Variants in SERPINI1 observed in about 807,000 individuals in gnomAD.
SERPINI1 encodes neuroserpin.
Under a neutral mutation model 41.1 loss-of-function variants are expected in SERPINI1, and 19 were observed. The ratio of observed to expected loss-of-function variants is 0.46; its 90% CI spans 0.32 to 0.68. The LOEUF (loss-of-function observed/expected upper bound fraction) is 0.68. SERPINI1 is among the 30% of genes least tolerant of loss of function. The probability of loss-of-function intolerance (pLI) is 0.03; values close to 1 mark genes in which losing one functional copy is unlikely to be tolerated. For missense variants in SERPINI1, 460 were observed against 479.2 expected (o/e 0.96, Z 0.37); for synonymous variants, 138 against 156.6 (o/e 0.88, Z 0.89).
At chr3:167,822,214 G>T (rs1037113364) in intron 6 of SERPINI1, among the ~76,000 whole-genome samples, 6 of 152,124 alleles carry the variant, frequency 3.9e-5, no homozygotes, top group Non-Finnish European at 8.8e-5. Context: ...AGTCATATTG[G>T]ATTAGGACCC....
chr3:167,750,849 T>C (rs10513635), intron 1 of SERPINI1, among the ~76,000 whole-genome samples: 5,436 of 152,278 alleles, frequency 0.036, 296 homozygotes, highest in East Asian at 0.22. Context: ...TGTATTTCTA[T>C]GGAATTGTCC....
chr3:167,794,805 G>A lies in SERPINI1; in HGVS notation c.862G>A (p.Val288Ile), dbSNP rs760906938. The A allele has an allele frequency of 1.8e-5, 29 of 1,613,144 alleles. No individual in the cohort carries two copies. Among genetic ancestry groups the A allele is most frequent in the Admixed American group, 1.0e-4 (6 of 59,854 alleles). The change falls in exon 5 of 9, where the codon GTA (valine) becomes ATA (isoleucine). Residue 288 changes from valine (V) to isoleucine (I), a missense_variant. Transcript: ENST00000446050. ...EWANSVKKQKVEVYLPRFTVE... is the reference protein window; with the variant it reads ...EWANSVKKQKIEVYLPRFTVE... Reference sequence around the variant, plus strand: ...GGCAAACTCTGTGAAGAAGCAAAAAGTAGAAGTATACCTGCCCAGGTATGA... The same window carrying A: ...GGCAAACTCTGTGAAGAAGCAAAAAATAGAAGTATACCTGCCCAGGTATGA...
intron 1 of SERPINI1, among the ~76,000 whole-genome samples, chr3:167,769,979 GT>G (rs67548059): frequency 0.16 from 19,560 of 122,812 alleles, 1,712 homozygotes; most frequent in African/African-American, 0.28. Context: ...GTAGTTACAT[GT>G]TTTTTTTTTT....
chr3:167,807,379 A>C (rs772194721), intron 6 of SERPINI1, 38 bp downstream of exon 6: 2 of 1,272,668 alleles, frequency 1.6e-6, no homozygotes, highest in Non-Finnish European at 2.3e-6. Flanking sequence ...ATGTTATTCC[A>C]TAAGAGCTTT....
intron 1 of SERPINI1, among the ~76,000 whole-genome samples, chr3:167,780,828 A>G (rs531979880): frequency 7.4e-4 from 112 of 152,310 alleles, no homozygotes; most frequent in Middle Eastern, 3.4e-3. Context: ...AAGGAAAACT[A>G]CTGTGAGAGG....
In SERPINI1 at chr3:167,792,350, C is replaced by T. The variant is rs1162636178; in HGVS notation, c.482-240C>T. On this transcript the variant is annotated intron_variant, in intron 3 of 8. Transcript: ENST00000446050. The stretch of plus-strand genomic sequence containing the variant: ...TCTTTTTTATATATATATACACACA[C>T]ATATATATATACACACATATATATA... Among the ~76,000 whole-genome samples the T allele has an allele frequency of 4.2e-5, 6 of 142,192 alleles. No individual in the cohort carries two copies. The South Asian group carries it at 1.1e-3, about 25-fold the overall frequency. 93.3% of individuals were successfully genotyped at this position (142,192 alleles called of 152,430 possible).
chr3:167,771,255 G>A (rs773624689), intron 1 of SERPINI1, among the ~76,000 whole-genome samples: 2 of 152,116 alleles, frequency 1.3e-5, no homozygotes, highest in Non-Finnish European at 2.9e-5. Context: ...ATGTAGTAAG[G>A]TTGCGATAAT....
At chr3:167,770,779 G>A (rs1726722909) in intron 1 of SERPINI1, among the ~76,000 whole-genome samples, 1 of 152,070 alleles carries the variant, frequency 6.6e-6, no homozygotes, top group South Asian at 2.1e-4. Context: ...GTAATTTGTT[G>A]ACGTGCATCT....
At chr3:167,785,935 T>C (rs1276220627) in intron 1 of SERPINI1, among the ~76,000 whole-genome samples, 2 of 152,190 alleles carry the variant, frequency 1.3e-5, no homozygotes, top group Non-Finnish European at 1.5e-5. Context: ...GACAGAGATA[T>C]ATTTGAACAA....
chr3:167,810,406 A>T (rs561707825), intron 6 of SERPINI1, among the ~76,000 whole-genome samples: 1 of 152,216 alleles, frequency 6.6e-6, no homozygotes, highest in Non-Finnish European at 1.5e-5. Flanking sequence ...CCACTGCACT[A>T]AAGTGAATAT....
chr3:167,797,272 G>A (rs34026596), intron 5 of SERPINI1, among the ~76,000 whole-genome samples: 19,504 of 152,084 alleles, frequency 0.13, 1,517 homozygotes, highest in African/African-American at 0.21. Context: ...TAGATTGGAA[G>A]AATTTCCTCC....
At position 167,813,315 on chromosome 3, in the gene SERPINI1, C is replaced by T. The variant is rs968026038; in HGVS notation, c.979+5974C>T. The stretch of plus-strand genomic sequence containing the variant: ...CCTGCACAGCAGCTGCCACAGCTAT[C>T]TTCTAAAATCAAAGCATTGTGTCCC... On this transcript the variant is annotated intron_variant, in intron 6 of 8. Transcript: ENST00000446050. 1.2e-4 allele frequency among the ~76,000 whole-genome samples: 18 copies of T among 152,210 alleles called. 1 individual carries two copies. Among genetic ancestry groups the T allele is most frequent in the African/African-American group, 4.1e-4 (17 of 41,446 alleles).
chr3:167,789,816 G>GCT (rs1168508599), intron 2 of SERPINI1, among the ~76,000 whole-genome samples: 7 of 152,110 alleles, frequency 4.6e-5, no homozygotes, highest in African/African-American at 1.7e-4. Context: ...GATTTTTTTT[G>GCT]AAGTGTTATC....
chr3:167,752,390 T>C (rs1029415649), intron 1 of SERPINI1, among the ~76,000 whole-genome samples: 4 of 152,164 alleles, frequency 2.6e-5, no homozygotes, highest in African/African-American at 9.7e-5. Flanking sequence ...CTTCTCCATC[T>C]TAATGAAGGA....
intron 1 of SERPINI1, among the ~76,000 whole-genome samples, chr3:167,778,818 G>A (rs13060416): frequency 0.13 from 19,530 of 152,224 alleles, 1,526 homozygotes; most frequent in African/African-American, 0.21. Flanking sequence ...TGGGGAAGAG[G>A]CTATTGTCAT....
chr3:167,761,680 C>T (rs1042803097), intron 1 of SERPINI1, among the ~76,000 whole-genome samples: 1 of 152,142 alleles, frequency 6.6e-6, no homozygotes, highest in Non-Finnish European at 1.5e-5. Context: ...CTGGCAGCCC[C>T]ATATGGTAAA....
chr3:167,804,567 T>C (rs1202622315), intron 5 of SERPINI1, among the ~76,000 whole-genome samples: 1 of 152,172 alleles, frequency 6.6e-6, no homozygotes, highest in Non-Finnish European at 1.5e-5. Flanking sequence ...GCATGGTGTT[T>C]TATGTCTGTA....
chr3:167,792,943 G>A (rs1355628381), intron 4 of SERPINI1, among the ~76,000 whole-genome samples, 159 bp downstream of exon 4: 3 of 152,192 alleles, frequency 2.0e-5, no homozygotes, highest in Middle Eastern at 3.4e-3. Context: ...TAGTTTCTGA[G>A]TAAATATTAT....
At chr3:167,786,454 G>C (rs1303048095) in intron 1 of SERPINI1, among the ~76,000 whole-genome samples, 1 of 145,158 alleles carries the variant, frequency 6.9e-6, no homozygotes, top group Non-Finnish European at 1.5e-5. Flanking sequence ...GTTGCAGTGA[G>C]CCGAGATCGC....
Sources: gnomAD v4.1 joint callset for allele counts (sites outside exome capture counted in the v4.1 genomes callset) on GRCh38, gnomAD v4.1.1 for gene constraint, MANE v1.5 for transcripts, NCBI Gene and HGNC (gene_info 2026-07-23, HGNC 2026-07-21) for gene names.